The following RERE variants were observed in gnomAD, a reference collection of about 807,000 sequenced individuals.
The protein encoded by RERE is arginine-glutamic acid dipeptide repeats, also known as arginine-glutamic acid dipeptide repeats protein.
A neutral mutation model predicts 146.1 loss-of-function variants in RERE; 40 were observed. The observed-to-expected ratio is 0.27, with a 90% CI of 0.21 to 0.36. RERE has a LOEUF of 0.36. Among genes scored for constraint, RERE ranks in the 10% least tolerant of loss-of-function variants. RERE has a pLI of 1.00. For synonymous variants in RERE, 1,003 were observed against 866.0 expected, an observed-to-expected ratio of 1.16 and a Z score of -2.78; for missense variants, 1,933 against 2,138.7, an observed-to-expected ratio of 0.90 and a Z score of 1.90.
At chr1:8,553,472 A>G (rs573162153) in intron 6 of RERE, among the ~76,000 whole-genome samples, 12 of 152,320 alleles carry the variant, frequency 7.9e-5, no homozygotes, top group African/African-American at 2.9e-4. Context: ...CAGCACATCC[A>G]CACACTCACG....
At chr1:8,404,295 T>C (rs2124446591) in intron 12 of RERE, among the ~76,000 whole-genome samples, 1 of 152,194 alleles carries the variant, frequency 6.6e-6, no homozygotes, top group Non-Finnish European at 1.5e-5. Flanking sequence ...CGGGCGCCTG[T>C]AGTCCCAGGT....
At chr1:8,624,609 A>C (rs1382008793) in intron 2 of RERE, among the ~76,000 whole-genome samples, 3 of 152,134 alleles carry the variant, frequency 2.0e-5, no homozygotes, top group Non-Finnish European at 2.9e-5. Flanking sequence ...ATGAAGCCTA[A>C]ATTATTTTCT....
At chr1:8,531,107 G>GTCCA (rs200605582) in intron 7 of RERE, among the ~76,000 whole-genome samples, 6,043 of 150,472 alleles carry the variant, frequency 0.04, 334 homozygotes, top group African/African-American at 0.13. Context: ...CTATCTATCT[G>GTCCA]TCCATCCATC....
chr1:8,416,496 G>A (rs1435004634), intron 12 of RERE, among the ~76,000 whole-genome samples: 1 of 149,678 alleles, frequency 6.7e-6, no homozygotes, highest in African/African-American at 2.5e-5. Context: ...TGAGGCAGGA[G>A]AATGGCGTGA....
At position 8,362,020 on chromosome 1, in the gene RERE, T is replaced by C; in HGVS notation, c.1903-144A>G. ...AGCAAAAAGCTCTAGAAGGGTCAAC[T>C]GGGGCCAAGAAGGAACACGTATCTG... On this transcript the variant is annotated intron_variant, in intron 16 of 22. Transcript: ENST00000400908. 4.8e-6 allele frequency: 3 copies of C among 619,690 alleles called. No homozygotes were observed. In the South Asian group the frequency reaches 6.0e-5, roughly 12 times the overall value. The allele number at this position is 619,690 out of a possible 1,614,324, so 38.4% of individuals were successfully genotyped here. A position where few individuals can be genotyped will look rare whatever the true frequency, so the allele number is the denominator to read the frequency against.
At chr1:8,386,869 A>G (rs1557603863) in intron 12 of RERE, among the ~76,000 whole-genome samples, 1 of 152,194 alleles carries the variant, frequency 6.6e-6, no homozygotes, top group Non-Finnish European at 1.5e-5. Flanking sequence ...AGGAAAGAGG[A>G]TAAAAATATG....
intron 4 of RERE, among the ~76,000 whole-genome samples, chr1:8,596,875 A>C (rs1415779150): frequency 6.6e-6 from 1 of 152,110 alleles, no homozygotes; most frequent in East Asian, 1.9e-4. Context: ...CTATCTTTGG[A>C]AACAGCGCTG....
At chr1:8,558,443 A>G (rs918280820) in intron 4 of RERE, among the ~76,000 whole-genome samples, 1 of 152,196 alleles carries the variant, frequency 6.6e-6, no homozygotes, top group Non-Finnish European at 1.5e-5. Flanking sequence ...TGCGGCCTTA[A>G]CAGGCTTCTC....
rs775094086 is a variant in RERE at position 8,359,913 on chromosome 1, A to T, written c.3469T>A (p.Ser1157Thr). The T allele has an allele frequency of 1.2e-6, 2 of 1,612,940 alleles. No homozygotes were observed. Among genetic ancestry groups the T allele is most frequent in the Non-Finnish European group, 1.7e-6 (2 of 1,179,970 alleles). The stretch of plus-strand genomic sequence containing the variant: ...TCCTCCCTCTTCTTGGCCAGCTTGG[A>T]CCCGGCCAGAGGCATGAAGTACAGG... ...TDLYFMPLAG[S>T]KLAKKREEAI... Residue 1157 changes from serine (S) to threonine (T), a missense_variant, in exon 19 of 23, where the codon TCC (serine) becomes ACC (threonine). Ser to Thr is a moderately conservative substitution (Grantham distance 58). Coordinates refer to ENST00000400908, the MANE Select transcript of RERE (RefSeq NM_001042681.2).
chr1:8,743,148 C>G (rs1229883344), intron 1 of RERE, among the ~76,000 whole-genome samples: 2 of 152,110 alleles, frequency 1.3e-5, no homozygotes, highest in African/African-American at 4.8e-5. Context: ...ATAATCCCAG[C>G]ACTTTGGGAG....
At chr1:8,398,599 A>G (rs1643140115) in intron 12 of RERE, among the ~76,000 whole-genome samples, 1 of 152,182 alleles carries the variant, frequency 6.6e-6, no homozygotes, top group Admixed American at 6.5e-5. Context: ...ATTATTTATC[A>G]TGCGTATTTA....
rs139913229 is a variant in RERE, at chr1:8,602,290, C to T, written c.522+12271G>A. 7.7e-3 allele frequency among the ~76,000 whole-genome samples: 1,164 copies of T among 151,782 alleles called. 16 individuals carry two copies. Among genetic ancestry groups the T allele is most frequent in the African/African-American group, 0.027 (1,128 of 41,366 alleles). ...CCTGTAGTCCCAGCTACTCGGGAGG[C>T]TGAGGCAGGAGAATCACTTGAACCT... On this transcript the variant is annotated intron_variant, in intron 4 of 22. Coordinates refer to ENST00000400908, the MANE Select transcript of RERE (RefSeq NM_001042681.2).
At chr1:8,586,225 A>G (rs533053201) in intron 4 of RERE, among the ~76,000 whole-genome samples, 1 of 152,350 alleles carries the variant, frequency 6.6e-6, no homozygotes, top group East Asian at 1.9e-4. Context: ...CAGAAGACAT[A>G]TCATATGCAT....
Position 8,422,775 on chromosome 1 carries a change from C to T in RERE, c.1236G>A (p.Gly412=), listed in dbSNP as rs759428382. 11 of 1,614,018 alleles carry T rather than the reference C, an allele frequency of 6.8e-6. No homozygotes were observed. In the Admixed American group the frequency reaches 8.3e-5, roughly 12 times the overall value. The change falls in exon 12 of 23, where the codon GGG becomes GGA. Residue 412 remains glycine, a synonymous_variant. Coordinates refer to ENST00000400908, the MANE Select transcript of RERE (RefSeq NM_001042681.2). ...KRFVKGLRQY[G]KNFFRIRKEL... ...CCTTTCTAATTCTGAAGAAGTTCTT[C>T]CCGTACTGCCTGAGTCCCTTAACGA...
chr1:8,494,953 C>A lies in RERE; in HGVS notation c.1104+110G>T, dbSNP rs1645026837. On this transcript the variant is annotated intron_variant, in intron 10 of 22. Transcript: ENST00000400908. ...ACCCAACAGCCAAGACCACAACTCACTCCTGAGTCTACAGGCGACTTCATG... is the reference window on the plus strand; with the variant it reads ...ACCCAACAGCCAAGACCACAACTCAATCCTGAGTCTACAGGCGACTTCATG... 5.1e-6 allele frequency: 4 copies of A among 782,946 alleles called. No homozygotes were observed. In the South Asian group the frequency reaches 5.8e-5, roughly 11 times the overall value. 48.5% of individuals were successfully genotyped at this position (782,946 alleles called of 1,614,324 possible).
chr1:8,753,683 T>G lies in RERE; in HGVS notation c.-145+63477A>C, dbSNP rs968612722. 8 of 152,174 alleles carry G rather than the reference T, an allele frequency of 5.3e-5. No homozygotes were observed. The East Asian group carries it at 1.5e-3, about 29-fold the overall frequency. 9.4% of individuals were successfully genotyped at this position (152,174 alleles called of 1,614,324 possible). On this transcript the variant is annotated intron_variant, in intron 1 of 22. Transcript: ENST00000400908. ...TATTAAATTCTGGTGTTCAATTTCT[T>G]TCAGATAAATAAGCCAAACACATAC... is the stretch of plus-strand genomic sequence containing the variant.
chr1:8,461,588 T>C (rs1265510332), intron 11 of RERE, among the ~76,000 whole-genome samples: 6 of 152,174 alleles, frequency 3.9e-5, no homozygotes, highest in Non-Finnish European at 8.8e-5. Context: ...AGTTCAAGAT[T>C]TGAAGTGTCT....
intron 1 of RERE, among the ~76,000 whole-genome samples, chr1:8,768,906 C>T (rs1006784678): frequency 4.6e-5 from 7 of 152,166 alleles, no homozygotes; most frequent in Non-Finnish European, 8.8e-5. Flanking sequence ...GTTCATCATC[C>T]TTAGGGGAAA....
At chr1:8,558,260 T>C (rs1033466374) in intron 4 of RERE, among the ~76,000 whole-genome samples, 4 of 152,236 alleles carry the variant, frequency 2.6e-5, no homozygotes, top group Admixed American at 1.3e-4. Flanking sequence ...TCCCTAAAAG[T>C]TAATTTTGTT....
Sources: gnomAD v4.1 joint callset for allele counts (sites outside exome capture counted in the v4.1 genomes callset) on GRCh38, gnomAD v4.1.1 for gene constraint, MANE v1.5 for transcripts, NCBI Gene and HGNC (gene_info 2026-07-23, HGNC 2026-07-21) for gene names.